The following FBXO11 variants were observed in gnomAD, a reference collection of about 807,000 sequenced individuals.
The protein encoded by FBXO11 is F-box protein 11.
In FBXO11, 13 loss-of-function variants were observed where a neutral mutation model predicts 117.0. The observed-to-expected ratio is 0.11, with a 90% CI of 0.07 to 0.18. The LOEUF is 0.18. Among genes scored for constraint, FBXO11 ranks in the 10% least tolerant of loss-of-function variants. FBXO11 has a pLI of 1.00. For missense variants in FBXO11, 767 were observed against 1,164.4 expected (o/e 0.66, Z 4.97); for synonymous variants, 490 against 380.5 (o/e 1.29, Z -3.35).
intron 11 of FBXO11, among the ~76,000 whole-genome samples, chr2:47,831,949 A>G (rs1003284184): frequency 4.6e-5 from 7 of 152,222 alleles, no homozygotes; most frequent in African/African-American, 1.7e-4. Flanking sequence ...AAACTGTGTT[A>G]GATTCACTTA....
chr2:47,820,391 G>A lies in FBXO11; in HGVS notation c.1768C>T (p.His590Tyr). The change falls in exon 14 of 23, where the codon CAT becomes TAT. Residue 590 changes from histidine (H) to tyrosine (Y), a missense_variant. Around this residue, in one of 10 missense-constraint regions of FBXO11, gnomAD observed 67 missense variants for 148.8 expected, o/e 0.45. Transcript: ENST00000403359. The part of the protein sequence containing the change: ...SCPIVRHNKI[H>Y]DGQHGGIYVH... Reference sequence around the variant, plus strand: ...TAAATCCCACCATGCTGGCCATCATGAATTTTGTTATGCCGAACAATTGGA... The same window carrying A: ...TAAATCCCACCATGCTGGCCATCATAAATTTTGTTATGCCGAACAATTGGA... The A allele has an allele frequency of 6.2e-7, 1 of 1,613,850 alleles. No individual in the cohort carries two copies. The highest frequency in any genetic ancestry group is 8.5e-7 in the Non-Finnish European group (1 of 1,179,926).
chr2:47,840,055 T>C (rs1012827074), intron 1 of FBXO11, among the ~76,000 whole-genome samples: 75 of 152,080 alleles, frequency 4.9e-4, no homozygotes, highest in Middle Eastern at 3.4e-3. Context: ...GCCTTTCTCC[T>C]GCCTCAGCCT....
At position 47,900,640 on chromosome 2, in the gene FBXO11, G is replaced by GTA. The variant is rs1484351873; in HGVS notation, c.232+4847_232+4848dup. Among the ~76,000 whole-genome samples, 7 of 73,482 alleles carry GTA rather than the reference G, an allele frequency of 9.5e-5. No individual in the cohort carries two copies. The South Asian group carries it at 2.1e-3, about 22-fold the overall frequency. The allele number at this position is 73,482 out of a possible 152,430, so 48.2% of individuals were successfully genotyped here. A position where few individuals can be genotyped will look rare whatever the true frequency, so the allele number is the denominator to read the frequency against. On this transcript the variant is annotated intron_variant, in intron 1 of 22. Coordinates refer to ENST00000403359, the MANE Select transcript of FBXO11 (RefSeq NM_001190274.2). ...TATACACACGTATACACACACGTAC[G>GTA]TATATACACACGTATACACACACGT...
intron 1 of FBXO11, among the ~76,000 whole-genome samples, chr2:47,894,615 G>A (rs1265384466): frequency 6.6e-6 from 1 of 152,130 alleles, no homozygotes; most frequent in Non-Finnish European, 1.5e-5. Flanking sequence ...CAATCTTTGA[G>A]GGGAAATCAA....
At chr2:47,848,982 C>T (rs1450291854) in intron 1 of FBXO11, among the ~76,000 whole-genome samples, 1 of 152,100 alleles carries the variant, frequency 6.6e-6, no homozygotes, top group Non-Finnish European at 1.5e-5. Context: ...CCCACAAATA[C>T]ACAAATTCCA....
At chr2:47,837,048 A>T (rs991564725) in intron 4 of FBXO11, 3 of 237,326 alleles carry the variant, frequency 1.3e-5, no homozygotes, top group African/African-American at 7.1e-5. Context: ...TAAAAAGATA[A>T]TTTTCAGTAA....
At chr2:47,844,436 T>C (rs906984574) in intron 1 of FBXO11, among the ~76,000 whole-genome samples, 1 of 152,230 alleles carries the variant, frequency 6.6e-6, no homozygotes, top group African/African-American at 2.4e-5. Context: ...CAAGGCCATA[T>C]ATCCTATCCC....
intron 1 of FBXO11, among the ~76,000 whole-genome samples, chr2:47,843,737 T>G (rs116259405): frequency 0.032 from 4,861 of 151,582 alleles, 108 homozygotes; most frequent in African/African-American, 0.052. Flanking sequence ...TGCTGCTGCT[T>G]CTTCTTCTTC....
At chr2:47,877,785 A>G (rs1240153938) in intron 1 of FBXO11, among the ~76,000 whole-genome samples, 1 of 152,188 alleles carries the variant, frequency 6.6e-6, no homozygotes, top group Non-Finnish European at 1.5e-5. Flanking sequence ...CCCAGGTTCA[A>G]GCGATTCTCC....
intron 1 of FBXO11, among the ~76,000 whole-genome samples, chr2:47,864,938 T>G (rs556423124): frequency 1.3e-5 from 2 of 152,372 alleles, no homozygotes; most frequent in South Asian, 4.1e-4. Flanking sequence ...AGTGTAACAC[T>G]TGACAAGACT....
intron 1 of FBXO11, among the ~76,000 whole-genome samples, chr2:47,900,878 A>G (rs897886821): frequency 1.4e-5 from 2 of 142,232 alleles, no homozygotes; most frequent in Non-Finnish European, 3.1e-5. Flanking sequence ...ACACACGTGT[A>G]TATATATACA....
intron 20 of FBXO11, 76 bp from the exon 21 acceptor site, chr2:47,809,342 C>G (rs1259787037): frequency 7.4e-6 from 7 of 943,540 alleles, no homozygotes; most frequent in East Asian, 2.6e-5. Flanking sequence ...TAGGATTATT[C>G]TAACAGAAGA....
chr2:47,817,018 T>C (rs183801306), intron 16 of FBXO11, among the ~76,000 whole-genome samples: 1 of 152,240 alleles, frequency 6.6e-6, no homozygotes, highest in Non-Finnish European at 1.5e-5. Context: ...TTCTCCCCTC[T>C]AGCTATGAAT....
At chr2:47,883,564 G>C in intron 1 of FBXO11, 2 of 348,206 alleles carry the variant, frequency 5.7e-6, no homozygotes, top group South Asian at 2.6e-5. Context: ...GAAGAAATTC[G>C]TCTGGATCGG....
chr2:47,830,513 TA>T (rs2104793349), intron 11 of FBXO11, among the ~76,000 whole-genome samples: 1 of 152,080 alleles, frequency 6.6e-6, no homozygotes, highest in Admixed American at 6.5e-5. Flanking sequence ...TATAGACCAA[TA>T]ACTGTAGGAA....
intron 11 of FBXO11, among the ~76,000 whole-genome samples, chr2:47,830,258 CAA>C (rs1672081652): frequency 1.3e-5 from 2 of 151,888 alleles, no homozygotes; most frequent in Non-Finnish European, 2.9e-5. Context: ...CTCAATGCTA[CAA>C]TAGAAAAATG....
At chr2:47,896,567 CG>C (rs1426906385) in intron 1 of FBXO11, among the ~76,000 whole-genome samples, 1 of 152,050 alleles carries the variant, frequency 6.6e-6, no homozygotes, top group African/African-American at 2.4e-5. Context: ...TGGGCTCAAG[CG>C]ATCCACCCCA....
intron 1 of FBXO11, among the ~76,000 whole-genome samples, chr2:47,846,601 C>T (rs1224818418): frequency 6.6e-6 from 1 of 151,914 alleles, no homozygotes; most frequent in Non-Finnish European, 1.5e-5. Flanking sequence ...CTATAATTCA[C>T]AGAAAAATTT....
intron 4 of FBXO11, chr2:47,836,974 G>A (rs1349859541): frequency 5.2e-6 from 2 of 385,454 alleles, no homozygotes; most frequent in Admixed American, 6.7e-5. Context: ...CTGGGCTCAA[G>A]TAATCTGCCC....
Sources: allele counts gnomAD v4.1 joint callset (sites outside exome capture counted in the v4.1 genomes callset), GRCh38; gene constraint gnomAD v4.1.1; regional missense constraint gnomAD v4.1.1; transcripts MANE v1.5; gene names NCBI Gene and HGNC (gene_info 2026-07-23, HGNC 2026-07-21).